NOTCH2: variants seen among roughly 807,000 people sequenced by gnomAD.
NOTCH2 encodes the protein neurogenic locus notch homolog protein 2.
Under a neutral mutation model 235.8 loss-of-function variants are expected in NOTCH2, and 29 were observed. That is an observed-to-expected ratio of 0.12 (90% CI 0.09 to 0.17). The LOEUF (loss-of-function observed/expected upper bound fraction) is 0.17. NOTCH2 is among the 10% of genes least tolerant of loss of function. The probability of loss-of-function intolerance (pLI) is 1.00; values close to 1 mark genes in which losing one functional copy is unlikely to be tolerated. For missense variants in NOTCH2, 2,285 were observed against 3,150.2 expected (o/e 0.73, Z 6.57); for synonymous variants, 1,086 against 1,141.5 (o/e 0.95, Z 0.98).
chr1:119,970,791 G>A lies in NOTCH2; in HGVS notation c.875-1047C>T, dbSNP rs139959741. ...TGAGGTCTTTTAAAAACAGTTTAGA[G>A]AGCTATCAAAGGAACTAAAATTTAG... On this transcript the variant is annotated intron_variant, in intron 5 of 33. Coordinates refer to ENST00000256646, the MANE Select transcript of NOTCH2 (RefSeq NM_024408.4). 2.0e-5 allele frequency among the ~76,000 whole-genome samples: 3 copies of A among 152,304 alleles called. No homozygotes were observed. In the East Asian group the frequency reaches 5.8e-4, roughly 29 times the overall value.
In NOTCH2 at chr1:119,917,756, G is replaced by T; in HGVS notation, c.5936C>A (p.Ser1979Tyr). 1 of 1,609,754 alleles carries T rather than the reference G, an allele frequency of 6.2e-7. No individual in the cohort carries two copies. The highest frequency in any genetic ancestry group is 1.1e-5 in the South Asian group (1 of 90,992). The change falls in exon 33 of 34, where the codon TCT (serine) becomes TAT (tyrosine). Residue 1979 changes from serine (S) to tyrosine (Y), a missense_variant. Physicochemically the swap from Ser to Tyr is moderately radical, Grantham distance 144. Coordinates refer to ENST00000256646, the MANE Select transcript of NOTCH2 (RefSeq NM_024408.4). The stretch of plus-strand genomic sequence containing the variant: ...GACAGCAGCTGCCCAGTGAAGAGCA[G>T]ATTTTCCTGCAGGGGAGAAACATTT... ...DVNAVDDHGKSALHWAAAVNN... is the reference protein window; with the variant it reads ...DVNAVDDHGKYALHWAAAVNN...
At chr1:120,067,495 A>T (rs1655552974) in intron 1 of NOTCH2, among the ~76,000 whole-genome samples, 1 of 152,168 alleles carries the variant, frequency 6.6e-6, no homozygotes, top group Admixed American at 6.5e-5. Context: ...TTAATACTTA[A>T]TTTTTCAAAT....
chr1:119,926,504 G>C lies in NOTCH2; in HGVS notation c.4000C>G (p.Pro1334Ala), dbSNP rs587728425. ...ATGAGCAACAGGGCACTTACCGGGG[G>C]ACAACGGCAAATGAAACCATCAGGC... ...NMPDGFICRC[P>A]PGFSGARCQS... Residue 1334 changes from proline (P) to alanine (A), a missense_variant, in exon 24 of 34, where the codon CCC becomes GCC. By Grantham distance (27) the Pro-to-Ala change is conservative. Transcript: ENST00000256646. 1 of 1,599,502 alleles carries C rather than the reference G, an allele frequency of 6.3e-7. No homozygotes were observed. Among genetic ancestry groups the C allele is most frequent in the Non-Finnish European group, 8.5e-7 (1 of 1,171,012 alleles).
At chr1:119,959,608 C>T in intron 11 of NOTCH2, 106 bp from the exon 12 acceptor site, 1 of 733,770 alleles carries the variant, frequency 1.4e-6, no homozygotes, top group Non-Finnish European at 2.5e-6. Flanking sequence ...TGAATTCCAG[C>T]CAACCCTGGA....
rs769788569 is a variant in NOTCH2 at position 119,923,773 on chromosome 1, T to C, written c.4723A>G (p.Thr1575Ala). ...FLRALGTLLH[T>A]NLRIKRDSQG... is the part of the protein sequence containing the mutation. ...GAGTCCCGCTTAATGCGCAGGTTGG[T>C]GTGGAGCAGGGTACCCAGTGCCCGC... is the stretch of plus-strand genomic sequence containing the variant. The change falls in exon 26 of 34, where the codon ACC becomes GCC. Residue 1575 changes from threonine (T) to alanine (A), a missense_variant. Physicochemically the swap from Thr to Ala is moderately conservative, Grantham distance 58. Coordinates refer to ENST00000256646, the MANE Select transcript of NOTCH2 (RefSeq NM_024408.4). 12 of 1,614,130 alleles carry C rather than the reference T, an allele frequency of 7.4e-6. No individual in the cohort carries two copies. The highest frequency in any genetic ancestry group is 8.5e-6 in the Non-Finnish European group (10 of 1,180,024).
At chr1:119,951,199 T>C (rs944338892) in intron 14 of NOTCH2, among the ~76,000 whole-genome samples, 3 of 152,226 alleles carry the variant, frequency 2.0e-5, no homozygotes, top group Non-Finnish European at 1.5e-5. Context: ...TCATTCAGGC[T>C]GGAGTGCAGT....
chr1:120,024,722 C>T (rs1223869628), intron 2 of NOTCH2, among the ~76,000 whole-genome samples: 6 of 152,286 alleles, frequency 3.9e-5, no homozygotes, highest in African/African-American at 1.4e-4. Flanking sequence ...TGCAAGCACC[C>T]ATCTACAGGA....
intron 5 of NOTCH2, among the ~76,000 whole-genome samples, chr1:119,972,369 C>T (rs1651397560): frequency 6.6e-6 from 1 of 152,190 alleles, no homozygotes; most frequent in East Asian, 1.9e-4. Flanking sequence ...TGAAGAGCTA[C>T]TGCAACATGA....
In NOTCH2 at chr1:119,922,385, G is replaced by T. The variant is rs1326402952; in HGVS notation, c.5064C>A (p.Ile1688=). 5 of 1,614,004 alleles carry T rather than the reference G, an allele frequency of 3.1e-6. No homozygotes were observed. The highest frequency in any genetic ancestry group is 4.2e-6 in the Non-Finnish European group (5 of 1,180,032). The change falls in exon 28 of 34, where the codon ATC becomes ATA. Residue 1688 remains isoleucine (I), a synonymous_variant. Transcript: ENST00000256646. ...LLYLLAVAVV[I]ILFIILLGVI... ...CCCCCAGCAGAATAATAAACAGAAT[G>T]ATGACAACAGCAACAGCAAGGAGAT...
chr1:119,983,833 T>C (rs1651911011), intron 5 of NOTCH2, among the ~76,000 whole-genome samples: 1 of 152,218 alleles, frequency 6.6e-6, no homozygotes, highest in African/African-American at 2.4e-5. Flanking sequence ...TATCAGGTTC[T>C]TCTCATTAAA....
Position 119,949,134 on chromosome 1 carries a change from GT to G in NOTCH2, c.2480-9del. The G allele has an allele frequency of 6.2e-7, 1 of 1,614,154 alleles. No individual in the cohort carries two copies. Among genetic ancestry groups the G allele is most frequent in the Non-Finnish European group, 8.5e-7 (1 of 1,180,006 alleles). On this transcript the variant is annotated splice_polypyrimidine_tract_variant and intron_variant, in intron 15 of 33. Coordinates refer to ENST00000256646, the MANE Select transcript of NOTCH2 (RefSeq NM_024408.4). ...CTGTCTGACAATTCTTGCCTAGAAA[GT>G]AAATGACAGAGTTTATGACAGATAA...
At chr1:119,939,067 T>A (rs1455938292) in intron 19 of NOTCH2, among the ~76,000 whole-genome samples, 1 of 152,266 alleles carries the variant, frequency 6.6e-6, no homozygotes, top group East Asian at 1.9e-4. Flanking sequence ...AATGTAGACA[T>A]GTCCACTTCA....
Position 119,915,486 on chromosome 1 carries a change from A to ATGC in NOTCH2, c.7233_7235dup (p.Glu2411_His2412insGln). On this transcript the variant is annotated inframe_insertion, in exon 34 of 34. Transcript: ENST00000256646. Reference sequence around the variant, plus strand: ...ACTCTGGGGATGGTGTCAGGTAGGGATGCTCACCCTGGAGGTGACCACTGT... The same window carrying ATGC: ...ACTCTGGGGATGGTGTCAGGTAGGGATGCTGCTCACCCTGGAGGTGACCACTGT... 6.2e-7 allele frequency: 1 copy of ATGC among 1,614,076 alleles called. No homozygotes were observed. Among genetic ancestry groups the ATGC allele is most frequent in the Non-Finnish European group, 8.5e-7 (1 of 1,180,004 alleles).
chr1:119,957,637 G>C (rs1407482832), intron 12 of NOTCH2, among the ~76,000 whole-genome samples: 3 of 152,056 alleles, frequency 2.0e-5, no homozygotes, highest in Admixed American at 6.6e-5. Flanking sequence ...TCCATGAACA[G>C]GGGACCACCT....
intron 2 of NOTCH2, among the ~76,000 whole-genome samples, chr1:120,027,944 C>T (rs1653931682): frequency 1.4e-5 from 2 of 138,446 alleles, no homozygotes; most frequent in African/African-American, 3.0e-5. Flanking sequence ...CACACATGTG[C>T]ATGTGTCCTT....
chr1:119,966,495 C>A lies in NOTCH2; in HGVS notation c.1454-6G>T, dbSNP rs183831820. 77 of 1,593,066 alleles carry A rather than the reference C, an allele frequency of 4.8e-5. 1 individual carries two copies. The East Asian group carries it at 1.7e-3, about 35-fold the overall frequency. On this transcript the variant is annotated splice_polypyrimidine_tract_variant and splice_region_variant and intron_variant, in intron 8 of 33. Coordinates refer to ENST00000256646, the MANE Select transcript of NOTCH2 (RefSeq NM_024408.4). The stretch of plus-strand genomic sequence containing the variant: ...ACAATGCACACCTTTGAAACCTAAA[C>A]AAAACAGACCACACAAGTGGCTTAA...
chr1:119,970,598 T>C (rs1553200266), intron 5 of NOTCH2, among the ~76,000 whole-genome samples: 2 of 152,182 alleles, frequency 1.3e-5, no homozygotes, highest in East Asian at 1.9e-4. Context: ...TCTGGCTAGG[T>C]TGCAGGTCAC....
chr1:119,962,405 T>C (rs1260762961), intron 11 of NOTCH2, among the ~76,000 whole-genome samples: 1 of 152,242 alleles, frequency 6.6e-6, no homozygotes, highest in Non-Finnish European at 1.5e-5. Context: ...CAAATTGCTT[T>C]TGGAAGTTTT....
In NOTCH2 at chr1:119,918,373, G is replaced by T. The variant is rs751258802; in HGVS notation, c.5929+33C>A. 3.1e-6 allele frequency: 5 copies of T among 1,612,502 alleles called. No homozygotes were observed. The Admixed American group carries it at 6.7e-5, about 22-fold the overall frequency. On this transcript the variant is annotated intron_variant, in intron 32 of 33. Coordinates refer to ENST00000256646, the MANE Select transcript of NOTCH2 (RefSeq NM_024408.4). ...CCCTCGTCAGAGGCATGCTTTGCAG[G>T]TAAGAATCCAAATCCCTGCCTTTCA...
Sources: gnomAD v4.1 joint callset for allele counts (sites outside exome capture counted in the v4.1 genomes callset) on GRCh38, gnomAD v4.1.1 for gene constraint, MANE v1.5 for transcripts, NCBI Gene and HGNC (gene_info 2026-07-23, HGNC 2026-07-21) for gene names.